PCDH11X: variants seen among roughly 807,000 people sequenced by gnomAD.
PCDH11X encodes the protein protocadherin 11 X-linked.
PCDH11X carries 18 observed loss-of-function variants against 53.3 expected under a neutral mutation model. That is an observed-to-expected ratio of 0.34 (90% CI 0.23 to 0.50). PCDH11X has a LOEUF of 0.50. Ranked by LOEUF, PCDH11X falls within the 20% of genes least tolerant of loss-of-function variation. The probability of loss-of-function intolerance (pLI) is 0.98; values close to 1 mark genes in which losing one functional copy is unlikely to be tolerated. For synonymous variants in PCDH11X, 279 were observed against 393.3 expected (o/e 0.71, Z 3.44); for missense variants, 570 against 1,032.4 (o/e 0.55, Z 6.14).
intron 8 of PCDH11X, among the ~76,000 whole-genome samples, chrX:92,302,340 A>T (rs1450442587): frequency 9.0e-6 from 1 of 110,817 alleles, no homozygotes; most frequent in Non-Finnish European, 1.9e-5. Flanking sequence ...TCTTCATACG[A>T]ATACCACAGA....
At chrX:92,085,970 G>A (rs2063943531) in intron 6 of PCDH11X, among the ~76,000 whole-genome samples, 1 of 111,692 alleles carries the variant, frequency 9.0e-6, no homozygotes, top group African/African-American at 3.3e-5. Flanking sequence ...AAAAGACAAT[G>A]TAAAATAGCT....
intron 8 of PCDH11X, among the ~76,000 whole-genome samples, chrX:92,364,117 T>A (rs1473260497): frequency 8.9e-6 from 1 of 111,868 alleles, no homozygotes; most frequent in Non-Finnish European, 1.9e-5. Flanking sequence ...TTTCTTATAG[T>A]GTCTTAGTCT....
chrX:91,834,809 C>A (rs1223413617), intron 4 of PCDH11X: 2 of 129,718 alleles, frequency 1.5e-5, no homozygotes, highest in Admixed American at 2.0e-4. Context: ...TTTTTCTTAT[C>A]CAAAGAAAAA....
intron 10 of PCDH11X, among the ~76,000 whole-genome samples, chrX:92,510,755 G>T (rs2750890): frequency 3.6e-5 from 4 of 110,991 alleles, no homozygotes; most frequent in Non-Finnish European, 5.7e-5. Context: ...TTTTGTATTC[G>T]ATTAGATTAT....
chrX:92,307,424 G>A lies in PCDH11X; in HGVS notation c.3144+44281G>A, dbSNP rs769566507. On this transcript the variant is annotated intron_variant, in intron 8 of 10. Coordinates refer to ENST00000682573, the MANE Select transcript of PCDH11X (RefSeq NM_032968.5). The stretch of plus-strand genomic sequence containing the variant: ...CATCCCCTTTTATGATAAAAAATAA[G>A]CAACAACCTAGAATAGAAGGAAATT... Among the ~76,000 whole-genome samples, 134 of 105,202 alleles carry A rather than the reference G, an allele frequency of 1.3e-3. 1 individual carries two copies. Among genetic ancestry groups the A allele is most frequent in the African/African-American group, 4.3e-3 (126 of 29,018 alleles). The allele number at this position is 105,202 out of a possible 115,157, so 91.4% of individuals were successfully genotyped here.
At chrX:92,399,023 C>T (rs1369728286) in intron 9 of PCDH11X, among the ~76,000 whole-genome samples, 1 of 107,986 alleles carries the variant, frequency 9.3e-6, no homozygotes, top group East Asian at 3.0e-4. Flanking sequence ...GAAACCCCGT[C>T]TCTACTAAAA....
chrX:92,131,746 C>G (rs1035604131), intron 6 of PCDH11X, among the ~76,000 whole-genome samples: 35 of 110,956 alleles, frequency 3.2e-4, no homozygotes, highest in Non-Finnish European at 5.7e-4. Context: ...GGTCCAGGTG[C>G]TAGGGTAATT....
chrX:92,357,119 CT>C (rs11328192), intron 8 of PCDH11X, among the ~76,000 whole-genome samples: 44,824 of 87,326 alleles, frequency 0.51, 7,733 homozygotes, highest in Non-Finnish European at 0.6. Flanking sequence ...CAAGGCCTCA[CT>C]TTTTTTTTTT....
chrX:92,607,732 A>G (rs1286949933), intron 10 of PCDH11X, among the ~76,000 whole-genome samples: 2 of 111,849 alleles, frequency 1.8e-5, no homozygotes, highest in African/African-American at 6.5e-5. Flanking sequence ...TATTGAAACT[A>G]TGATGTATTA....
At chrX:92,039,556 C>A (rs2063179123) in intron 6 of PCDH11X, among the ~76,000 whole-genome samples, 1 of 110,878 alleles carries the variant, frequency 9.0e-6, no homozygotes, top group Non-Finnish European at 1.9e-5. Flanking sequence ...AGCCCAAGGG[C>A]TGCTCAGTCA....
rs189103156 is a variant in PCDH11X at position 92,425,686 on chromosome X, G to T, written c.3343+37753G>T. 4.4e-3 allele frequency among the ~76,000 whole-genome samples: 432 copies of T among 97,316 alleles called. 10 individuals carry two copies. In the South Asian group the frequency reaches 0.059, roughly 13 times the overall value. The allele number at this position is 97,316 out of a possible 115,157, so 84.5% of individuals were successfully genotyped here. A position where few individuals can be genotyped will look rare whatever the true frequency, so the allele number is the denominator to read the frequency against. On this transcript the variant is annotated intron_variant, in intron 9 of 10. Coordinates refer to ENST00000682573, the MANE Select transcript of PCDH11X (RefSeq NM_032968.5). ...AATGGGGTTTTAAACCATAAGAAGG[G>T]ATGAGATCACTTAGGGTACGAGTAC...
At chrX:91,989,542 A>G (rs1260991187) in intron 6 of PCDH11X, among the ~76,000 whole-genome samples, 1 of 106,872 alleles carries the variant, frequency 9.4e-6, no homozygotes, top group Non-Finnish European at 1.9e-5. Flanking sequence ...CAACCTGGGC[A>G]ACAGAGCGAG....
rs1378613121 is a variant in PCDH11X at position 92,325,978 on chromosome X, G to C, written c.3145-61757G>C. On this transcript the variant is annotated intron_variant, in intron 8 of 10. Coordinates refer to ENST00000682573, the MANE Select transcript of PCDH11X (RefSeq NM_032968.5). ...CCTCTATAGCATGTTATCCCTTTCA[G>C]ATATCAATTTGTTAAAATAATGAAA... Among the ~76,000 whole-genome samples the C allele has an allele frequency of 3.6e-5, 4 of 112,053 alleles. No individual in the cohort carries two copies. In the East Asian group the frequency reaches 1.1e-3, roughly 32 times the overall value.
At chrX:92,220,737 G>A (rs1449392511) in intron 7 of PCDH11X, among the ~76,000 whole-genome samples, 1 of 108,596 alleles carries the variant, frequency 9.2e-6, no homozygotes, top group Non-Finnish European at 1.9e-5. Flanking sequence ...CTGCTATAAA[G>A]ACACATGCAC....
chrX:92,338,749 C>A (rs756477643), intron 8 of PCDH11X, among the ~76,000 whole-genome samples: 1 of 111,580 alleles, frequency 9.0e-6, no homozygotes, highest in Non-Finnish European at 1.9e-5. Flanking sequence ...AATTACTCTG[C>A]GTAAGTGGCT....
intron 6 of PCDH11X, among the ~76,000 whole-genome samples, chrX:91,970,060 A>G (rs1190522492): frequency 9.0e-6 from 1 of 111,096 alleles, no homozygotes; most frequent in Non-Finnish European, 1.9e-5. Flanking sequence ...TGAGTGTTAC[A>G]GCTCATAAAG....
At chrX:92,179,706 T>C (rs932090160) in intron 6 of PCDH11X, among the ~76,000 whole-genome samples, 2 of 112,032 alleles carry the variant, frequency 1.8e-5, no homozygotes, top group African/African-American at 6.5e-5. Flanking sequence ...TATCATAGAG[T>C]CCTTTTGAGC....
chrX:92,311,392 A>C (rs1252670402), intron 8 of PCDH11X, among the ~76,000 whole-genome samples: 1 of 109,661 alleles, frequency 9.1e-6, no homozygotes, highest in Admixed American at 9.9e-5. Flanking sequence ...TAACTTTGTA[A>C]TCTTAGTTGA....
chrX:92,237,838 A>C (rs1430056124), intron 7 of PCDH11X, among the ~76,000 whole-genome samples: 1 of 111,866 alleles, frequency 8.9e-6, no homozygotes, highest in Non-Finnish European at 1.9e-5. Flanking sequence ...ATGCCAAAGC[A>C]TGAATAATAC....
Sources: allele counts gnomAD v4.1 joint callset (sites outside exome capture counted in the v4.1 genomes callset), GRCh38; gene constraint gnomAD v4.1.1; transcripts MANE v1.5; gene names NCBI Gene and HGNC (gene_info 2026-07-23, HGNC 2026-07-21).